The following ITPR1 variants were observed in gnomAD, a reference collection of about 807,000 sequenced individuals.
ITPR1 encodes the protein inositol 1,4,5-trisphosphate receptor type 1.
Under a neutral mutation model 318.4 loss-of-function variants are expected in ITPR1, and 96 were observed. That is an observed-to-expected ratio of 0.30 (90% confidence interval 0.26 to 0.36). ITPR1 has a LOEUF of 0.36. Among genes scored for constraint, ITPR1 ranks in the 10% least tolerant of loss-of-function variants. The probability of loss-of-function intolerance (pLI) is 1.00; values close to 1 mark genes in which losing one functional copy is unlikely to be tolerated. For missense variants in ITPR1, 2,440 were observed against 3,460.2 expected, an observed-to-expected ratio of 0.71 and a Z score of 7.40; for synonymous variants, 1,312 against 1,289.9, an observed-to-expected ratio of 1.02 and a Z score of -0.37.
chr3:4,619,553 C>G (rs1364768152), intron 4 of ITPR1, among the ~76,000 whole-genome samples: 3 of 128,758 alleles, frequency 2.3e-5, no homozygotes, highest in Non-Finnish European at 3.2e-5. Context: ...GCCGCCCTTT[C>G]CCCCTTCCCC....
At chr3:4,768,848 A>G in intron 46 of ITPR1, 84 bp downstream of exon 46, 1 of 1,332,702 alleles carries the variant, frequency 7.5e-7, no homozygotes, top group Non-Finnish European at 1.0e-6. Context: ...AGCACCTCTC[A>G]CTTGGGCCAG....
chr3:4,795,059 CT>C lies in ITPR1; in HGVS notation c.6809-5del, dbSNP rs753250886. The C allele has an allele frequency of 1.2e-5, 19 of 1,606,326 alleles. No individual in the cohort carries two copies. Among genetic ancestry groups the C allele is most frequent in the Non-Finnish European group, 4.3e-6 (5 of 1,175,308 alleles). On this transcript the variant is annotated splice_region_variant and splice_polypyrimidine_tract_variant and intron_variant, in intron 52 of 61. Coordinates refer to ENST00000649015, the MANE Select transcript of ITPR1 (RefSeq NM_001378452.1). ...GCCTCACGCGGCTTTGCCTTTGTCT[CT>C]GCAGCCCAGCCCGTGTTGTACTGGT...
chr3:4,585,245 GA>G (rs2089773035), intron 4 of ITPR1, among the ~76,000 whole-genome samples: 1 of 152,176 alleles, frequency 6.6e-6, no homozygotes, highest in Non-Finnish European at 1.5e-5. Flanking sequence ...GCCAAGCATA[GA>G]AACCCAACCA....
At chr3:4,495,715 A>G (rs2080503800) in intron 2 of ITPR1, among the ~76,000 whole-genome samples, 2 of 152,232 alleles carry the variant, frequency 1.3e-5, no homozygotes, top group African/African-American at 4.8e-5. Flanking sequence ...CGTCAGATGC[A>G]GGTGAAGAAA....
At chr3:4,806,824 TG>T (rs1372834241) in intron 55 of ITPR1, among the ~76,000 whole-genome samples, 3 of 152,178 alleles carry the variant, frequency 2.0e-5, no homozygotes, top group African/African-American at 7.2e-5. Context: ...TAAGACAAGC[TG>T]GTTCCATCAC....
chr3:4,708,734 C>T (rs908867884), intron 37 of ITPR1, among the ~76,000 whole-genome samples: 1 of 152,176 alleles, frequency 6.6e-6, no homozygotes, highest in Non-Finnish European at 1.5e-5. Context: ...TGGCCAGTGA[C>T]GTAAAGGATT....
chr3:4,633,291 T>C (rs757401559), intron 5 of ITPR1, among the ~76,000 whole-genome samples: 15 of 152,180 alleles, frequency 9.9e-5, no homozygotes, highest in Non-Finnish European at 1.9e-4. Flanking sequence ...ACTTTCCTAC[T>C]TAGCTGGAAC....
At chr3:4,617,106 C>A (rs2092417716) in intron 4 of ITPR1, among the ~76,000 whole-genome samples, 1 of 152,092 alleles carries the variant, frequency 6.6e-6, no homozygotes, top group South Asian at 2.1e-4. Flanking sequence ...TATGTACTTA[C>A]TTTGACTTAT....
At position 4,569,803 on chromosome 3, in the gene ITPR1, C is replaced by T. The variant is rs534142189; in HGVS notation, c.163+48709C>T. 1.6e-4 allele frequency among the ~76,000 whole-genome samples: 25 copies of T among 152,282 alleles called. No individual in the cohort carries two copies. The South Asian group carries it at 5.2e-3, about 32-fold the overall frequency. ...TCAGTCCTTAACCTTAAACTTTGTT[C>T]ACATTGAACTCTAGAATAGCAGTGG... is the stretch of plus-strand genomic sequence containing the variant. On this transcript the variant is annotated intron_variant, in intron 4 of 61. Coordinates refer to ENST00000649015, the MANE Select transcript of ITPR1 (RefSeq NM_001378452.1).
chr3:4,814,535 A>T lies in ITPR1; in HGVS notation c.7674A>T (p.Gly2558=). The change falls in exon 58 of 62, where the codon GGA becomes GGT. Residue 2558 remains glycine, a synonymous_variant. Transcript: ENST00000649015. The part of the protein sequence containing the change: ...SHGLRSGGGV[G]DVLRKPSKEE... ...GGCTGCGGAGCGGGGGTGGAGTAGGAGATGTACTCAGGAAGCCGTCCAAAG... is the reference window on the plus strand; with the variant it reads ...GGCTGCGGAGCGGGGGTGGAGTAGGTGATGTACTCAGGAAGCCGTCCAAAG... 6.3e-7 allele frequency: 1 copy of T among 1,580,532 alleles called. No individual in the cohort carries two copies. The highest frequency in any genetic ancestry group is 1.7e-5 in the Admixed American group (1 of 57,268).
At chr3:4,621,495 T>C (rs1019608918) in intron 4 of ITPR1, among the ~76,000 whole-genome samples, 1 of 152,138 alleles carries the variant, frequency 6.6e-6, no homozygotes, top group Admixed American at 6.5e-5. Context: ...GGGATTACAA[T>C]TCAACACGAG....
intron 11 of ITPR1, among the ~76,000 whole-genome samples, chr3:4,653,584 A>G (rs2093642742): frequency 6.6e-6 from 1 of 152,126 alleles, no homozygotes; most frequent in Non-Finnish European, 1.5e-5. Flanking sequence ...GCTTTTAACT[A>G]TTGCTTTGCC....
chr3:4,673,862 G>A (rs560749973), intron 21 of ITPR1, among the ~76,000 whole-genome samples: 93 of 152,280 alleles, frequency 6.1e-4, no homozygotes, highest in African/African-American at 2.2e-3. Flanking sequence ...GATTACAGGC[G>A]TGAGCCACCG....
At chr3:4,592,343 A>G (rs2090458208) in intron 4 of ITPR1, among the ~76,000 whole-genome samples, 1 of 152,196 alleles carries the variant, frequency 6.6e-6, no homozygotes, top group Non-Finnish European at 1.5e-5. Flanking sequence ...GATGGTATTC[A>G]TTGTACGTAA....
At chr3:4,594,699 C>T (rs1198375277) in intron 4 of ITPR1, among the ~76,000 whole-genome samples, 1 of 152,146 alleles carries the variant, frequency 6.6e-6, no homozygotes, top group Admixed American at 6.6e-5. Flanking sequence ...CCAACCCAGC[C>T]CTCCACCTCC....
At chr3:4,692,242 C>T (rs1387649051) in intron 32 of ITPR1, among the ~76,000 whole-genome samples, 1 of 151,882 alleles carries the variant, frequency 6.6e-6, no homozygotes, top group Non-Finnish European at 1.5e-5. Flanking sequence ...ATTACTTGAC[C>T]TTTCAACTCC....
chr3:4,831,385 T>G (rs1457347902), intron 60 of ITPR1: 1 of 205,506 alleles, frequency 4.9e-6, no homozygotes, highest in Non-Finnish European at 1.0e-5. Flanking sequence ...TGACGGGAAC[T>G]GTACTGGCTG....
intron 39 of ITPR1, among the ~76,000 whole-genome samples, chr3:4,714,412 G>C (rs2041615195): frequency 6.6e-6 from 1 of 152,170 alleles, no homozygotes; most frequent in African/African-American, 2.4e-5. Flanking sequence ...GTCCAGAATT[G>C]TTCTGCTTCT....
At chr3:4,541,438 C>T (rs1414118825) in intron 4 of ITPR1, among the ~76,000 whole-genome samples, 4 of 151,982 alleles carry the variant, frequency 2.6e-5, no homozygotes, top group African/African-American at 9.7e-5. Context: ...AGCAACCTTG[C>T]TCAGTATTTT....
Sources: allele counts gnomAD v4.1 joint callset (sites outside exome capture counted in the v4.1 genomes callset), GRCh38; gene constraint gnomAD v4.1.1; transcripts MANE v1.5; gene names NCBI Gene and HGNC (gene_info 2026-07-23, HGNC 2026-07-21).